Variants in TRHDE observed in about 807,000 individuals in gnomAD.
The protein encoded by TRHDE is thyrotropin releasing hormone degrading enzyme, also known as thyrotropin-releasing hormone-degrading ectoenzyme.
Under a neutral mutation model 125.7 loss-of-function variants are expected in TRHDE, and 72 were observed. The ratio of observed to expected loss-of-function variants is 0.57; its 90% CI spans 0.47 to 0.70. TRHDE has a LOEUF of 0.70. TRHDE is among the 30% of genes least tolerant of loss of function. The probability of loss-of-function intolerance (pLI) is 0.00; values close to 1 mark genes in which losing one functional copy is unlikely to be tolerated. For synonymous variants in TRHDE, 509 were observed against 509.1 expected (o/e 1.00, Z 0.00); for missense variants, 1,110 against 1,327.1 (o/e 0.84, Z 2.54).
chr12:72,659,531 T>A (rs1565826391), intron 18 of TRHDE, among the ~76,000 whole-genome samples: 1 of 152,214 alleles, frequency 6.6e-6, no homozygotes, highest in East Asian at 1.9e-4. Context: ...AATAGTTAAT[T>A]CTATTCATTT....
intron 3 of TRHDE, among the ~76,000 whole-genome samples, chr12:72,383,478 C>G (rs2135782881): frequency 6.8e-6 from 1 of 148,058 alleles, no homozygotes; most frequent in Non-Finnish European, 1.5e-5. Context: ...CCGGGTTCAG[C>G]TGATTCTCCT....
At chr12:72,570,778 C>A (rs1390539790) in intron 10 of TRHDE, among the ~76,000 whole-genome samples, 1 of 152,034 alleles carries the variant, frequency 6.6e-6, no homozygotes, top group African/African-American at 2.4e-5. Flanking sequence ...ACAGCTGCAG[C>A]GTTTGCGCAG....
At chr12:72,615,483 A>G (rs1397464201) in intron 12 of TRHDE, among the ~76,000 whole-genome samples, 1 of 152,102 alleles carries the variant, frequency 6.6e-6, no homozygotes, top group Non-Finnish European at 1.5e-5. Flanking sequence ...AATTACACAA[A>G]CACACATCTG....
At chr12:72,525,876 A>G (rs1868327234) in intron 6 of TRHDE, among the ~76,000 whole-genome samples, 1 of 152,104 alleles carries the variant, frequency 6.6e-6, no homozygotes, top group Non-Finnish European at 1.5e-5. Context: ...ATTAATGCCA[A>G]ATAGTAAGGC....
Position 72,664,984 on chromosome 12 carries a change from A to G in TRHDE, c.*1789A>G, listed in dbSNP as rs1198355508. 6.6e-6 allele frequency: 1 copy of G among 152,114 alleles called. No individual in the cohort carries two copies. Among genetic ancestry groups the G allele is most frequent in the Non-Finnish European group, 1.5e-5 (1 of 67,976 alleles). 9.4% of individuals were successfully genotyped at this position (152,114 alleles called of 1,614,324 possible). ...ATTTTACATGATGTGAATAGGCATG[A>G]TAATACTTTTAGTATAAAATCTAAA... On this transcript the variant is annotated 3_prime_UTR_variant, in exon 19 of 19. Coordinates refer to ENST00000261180, the MANE Select transcript of TRHDE (RefSeq NM_013381.3).
chr12:72,334,606 C>T (rs1247223205), intron 2 of TRHDE, among the ~76,000 whole-genome samples: 1 of 152,192 alleles, frequency 6.6e-6, no homozygotes, highest in Non-Finnish European at 1.5e-5. Flanking sequence ...CTTGTTTCGC[C>T]TGGCAAATGC....
chr12:72,533,729 T>G (rs1868698078), intron 6 of TRHDE, among the ~76,000 whole-genome samples: 2 of 151,162 alleles, frequency 1.3e-5, no homozygotes, highest in Non-Finnish European at 1.5e-5. Flanking sequence ...ATTTGTTTTT[T>G]TTTTTTTTTG....
intron 2 of TRHDE, among the ~76,000 whole-genome samples, chr12:72,213,449 G>A (rs993870856): frequency 1.3e-5 from 2 of 152,156 alleles, no homozygotes; most frequent in Admixed American, 1.3e-4. Context: ...AATAAAGTGT[G>A]TCGCTATAAT....
chr12:72,341,805 G>A (rs11179160), intron 2 of TRHDE, among the ~76,000 whole-genome samples: 18,854 of 152,090 alleles, frequency 0.12, 1,744 homozygotes, highest in East Asian at 0.46. Context: ...GCGGACAAAT[G>A]TATTTGTCGA....
intron 3 of TRHDE, among the ~76,000 whole-genome samples, chr12:72,422,087 A>C (rs1419910814): frequency 1.3e-5 from 2 of 152,122 alleles, no homozygotes; most frequent in African/African-American, 2.4e-5. Flanking sequence ...CAATGGTTTA[A>C]AATGTTCTGG....
intron 12 of TRHDE, among the ~76,000 whole-genome samples, chr12:72,609,824 C>T (rs188775151): frequency 1.2e-3 from 179 of 152,234 alleles, no homozygotes; most frequent in Non-Finnish European, 2.0e-3. Context: ...GATTTATGGA[C>T]CTTTAGGTTA....
At chr12:72,439,191 T>A (rs762382596) in intron 3 of TRHDE, among the ~76,000 whole-genome samples, 1 of 151,984 alleles carries the variant, frequency 6.6e-6, no homozygotes, top group Non-Finnish European at 1.5e-5. Context: ...CATACTGTTT[T>A]GGTTACTATA....
intron 2 of TRHDE, among the ~76,000 whole-genome samples, chr12:72,332,067 G>A (rs1869623180): frequency 1.3e-5 from 2 of 152,158 alleles, no homozygotes; most frequent in African/African-American, 4.8e-5. Flanking sequence ...AATCATAGCA[G>A]AAGGTGAAGG....
chr12:72,404,100 G>A (rs536407675), intron 3 of TRHDE, among the ~76,000 whole-genome samples: 4 of 152,208 alleles, frequency 2.6e-5, no homozygotes, highest in South Asian at 2.1e-4. Context: ...GTATTAGTCC[G>A]TTTTCAAGCT....
rs1266522307 is a variant in TRHDE, at chr12:72,600,777, T to A, written c.2322-18114T>A. Among the ~76,000 whole-genome samples, 6 of 152,110 alleles carry A rather than the reference T, an allele frequency of 3.9e-5. No individual in the cohort carries two copies. The East Asian group carries it at 1.2e-3, about 29-fold the overall frequency. On this transcript the variant is annotated intron_variant, in intron 12 of 18. Coordinates refer to ENST00000261180, the MANE Select transcript of TRHDE (RefSeq NM_013381.3). The stretch of plus-strand genomic sequence containing the variant: ...AAGCTTGGATGACAACACATCTATT[T>A]ACAGAATGGTTTGCTGAATATTTTA...
chr12:72,438,156 T>C (rs1203159832), intron 3 of TRHDE, among the ~76,000 whole-genome samples: 1 of 151,760 alleles, frequency 6.6e-6, no homozygotes, highest in African/African-American at 2.4e-5. Context: ...ATATATACCA[T>C]GTTTTCTTTA....
intron 7 of TRHDE, chr12:72,560,631 G>A (rs1335737322): frequency 6.6e-6 from 1 of 152,104 alleles, no homozygotes; most frequent in Admixed American, 6.6e-5. Context: ...AGGCCAGCAT[G>A]GGCCACATAA....
chr12:72,149,410 T>C (rs1876305269), intron 2 of TRHDE, among the ~76,000 whole-genome samples: 1 of 152,174 alleles, frequency 6.6e-6, no homozygotes. Flanking sequence ...ACATGAGCCA[T>C]CTGGTATTGC....
Position 72,666,709 on chromosome 12 carries a change from T to C in TRHDE, c.*3514T>C, listed in dbSNP as rs953309564. On this transcript the variant is annotated 3_prime_UTR_variant, in exon 19 of 19. Coordinates refer to ENST00000261180, the MANE Select transcript of TRHDE (RefSeq NM_013381.3). ...AGATTTTCCAAATACTAGACCAGCATCAAAATACACAGTTAAATATATTTG... is the reference window on the plus strand; with the variant it reads ...AGATTTTCCAAATACTAGACCAGCACCAAAATACACAGTTAAATATATTTG... The C allele has an allele frequency of 5.3e-5, 8 of 152,104 alleles. No homozygotes were observed. Among genetic ancestry groups the C allele is most frequent in the Non-Finnish European group, 1.0e-4 (7 of 68,014 alleles). The allele number at this position is 152,104 out of a possible 1,614,324, so 9.4% of individuals were successfully genotyped here.
Sources: gnomAD v4.1 joint callset for allele counts (sites outside exome capture counted in the v4.1 genomes callset) on GRCh38, gnomAD v4.1.1 for gene constraint, MANE v1.5 for transcripts, NCBI Gene and HGNC (gene_info 2026-07-23, HGNC 2026-07-21) for gene names.